TENT4A: variants seen among roughly 807,000 people sequenced by gnomAD.
TENT4A encodes DNA polymerase kappa.
TENT4A carries 7 observed loss-of-function variants against 72.8 expected under a neutral mutation model. The observed-to-expected ratio is 0.10, with a 90% CI of 0.05 to 0.18. The LOEUF (loss-of-function observed/expected upper bound fraction) is 0.18. Ranked by LOEUF, TENT4A falls within the 10% of genes least tolerant of loss-of-function variation. The pLI is 1.00. For missense variants in TENT4A, 831 were observed against 1,017.7 expected (o/e 0.82, Z 2.50); for synonymous variants, 456 against 434.3 (o/e 1.05, Z -0.62).
chr5:6,738,527 T>C (rs1741628269), intron 2 of TENT4A, among the ~76,000 whole-genome samples, 156 bp from the exon 3 acceptor site: 1 of 152,256 alleles, frequency 6.6e-6, no homozygotes, highest in Non-Finnish European at 1.5e-5. Flanking sequence ...AAGGGAATTT[T>C]CTGGTTGATT....
At chr5:6,752,076 T>A (rs2126659369) in intron 11 of TENT4A, among the ~76,000 whole-genome samples, 1 of 152,322 alleles carries the variant, frequency 6.6e-6, no homozygotes, top group Middle Eastern at 3.4e-3. Context: ...TTAAAATGAA[T>A]TATACCACAG....
At chr5:6,750,723 C>T (rs145360647) in intron 10 of TENT4A, 33 of 550,518 alleles carry the variant, frequency 6.0e-5, no homozygotes, top group African/African-American at 4.0e-4. Flanking sequence ...ATGCGGCTGT[C>T]GAGGGCAGTA....
At chr5:6,728,749 G>A (rs1309173476) in intron 1 of TENT4A, among the ~76,000 whole-genome samples, 1 of 152,100 alleles carries the variant, frequency 6.6e-6, no homozygotes, top group Non-Finnish European at 1.5e-5. Context: ...GACTTAAGAC[G>A]GGCACAGTGA....
In TENT4A at chr5:6,741,245, A is replaced by G. The variant is rs1181429832; in HGVS notation, c.1009-1245A>G. 6.6e-5 allele frequency among the ~76,000 whole-genome samples: 10 copies of G among 152,124 alleles called. No homozygotes were observed. In the East Asian group the frequency reaches 1.7e-3, roughly 26 times the overall value. ...GAGAGCCTGGAGCCTGCCACTGCTC[A>G]TTTCTGGGGAGCACTGTGCAGCCGG... On this transcript the variant is annotated intron_variant, in intron 4 of 12. Coordinates refer to ENST00000230859, the MANE Select transcript of TENT4A (RefSeq NM_006999.6).
At chr5:6,727,780 CT>C (rs980192688) in intron 1 of TENT4A, among the ~76,000 whole-genome samples, 1 of 152,318 alleles carries the variant, frequency 6.6e-6, no homozygotes, top group South Asian at 2.1e-4. Flanking sequence ...ATCATGCCCC[CT>C]GTCCCTCCCA....
intron 7 of TENT4A, among the ~76,000 whole-genome samples, chr5:6,747,339 C>CA (rs1274280674): frequency 1.1e-4 from 17 of 152,092 alleles, no homozygotes; most frequent in Non-Finnish European, 2.4e-4. Flanking sequence ...CTGTGTGTGT[C>CA]GGGGAAGCCT....
At chr5:6,715,205 C>G (rs540997733) in intron 1 of TENT4A, 35 of 152,260 alleles carry the variant, frequency 2.3e-4, no homozygotes, top group African/African-American at 8.2e-4. Context: ...GGTGTTGTGT[C>G]CTTTAATTTT....
chr5:6,716,284 A>G (rs1237482474), intron 1 of TENT4A, among the ~76,000 whole-genome samples: 1 of 152,046 alleles, frequency 6.6e-6, no homozygotes, highest in Non-Finnish European at 1.5e-5. Context: ...GGCATGGGAG[A>G]CACAGTCTCA....
In TENT4A at chr5:6,754,920, G is replaced by T; in HGVS notation, c.2354G>T (p.Ser785Ile). 1 of 1,588,066 alleles carries T rather than the reference G, an allele frequency of 6.3e-7. No individual in the cohort carries two copies. Among genetic ancestry groups the T allele is most frequent in the Non-Finnish European group, 8.6e-7 (1 of 1,160,548 alleles). The change falls in exon 13 of 13, where the codon AGT becomes ATT. Residue 785 changes from serine (S) to isoleucine (I), a missense_variant. Physicochemically the swap from Ser to Ile is moderately radical, Grantham distance 142. Transcript: ENST00000230859. ...RRKKHTHTRDSLPVSLSR is the reference protein window; with the variant it reads ...RRKKHTHTRDILPVSLSR The stretch of plus-strand genomic sequence containing the variant: ...AAAAAACACACACACACACGGGACA[G>T]TCTGCCCGTGAGCCTCAGCAGATAA...
chr5:6,750,583 C>G (rs1742347973), intron 10 of TENT4A, 80 bp downstream of exon 10: 1 of 1,338,252 alleles, frequency 7.5e-7, no homozygotes, highest in African/African-American at 1.5e-5. Flanking sequence ...AGCTTAAAAT[C>G]TCCCCCTTGG....
At chr5:6,734,526 T>C (rs1202437061) in intron 1 of TENT4A, among the ~76,000 whole-genome samples, 1 of 152,274 alleles carries the variant, frequency 6.6e-6, no homozygotes, top group Non-Finnish European at 1.5e-5. Context: ...AGAGCCTTCT[T>C]GTCTGACTCC....
chr5:6,742,696 AG>A, intron 5 of TENT4A, 99 bp downstream of exon 5: 2 of 722,580 alleles, frequency 2.8e-6, no homozygotes, highest in Non-Finnish European at 5.1e-6. Context: ...TGCACACACA[AG>A]TCTTTCGTAA....
intron 8 of TENT4A, among the ~76,000 whole-genome samples, 186 bp from the exon 9 acceptor site, chr5:6,749,371 C>T (rs1335077701): frequency 1.3e-5 from 2 of 152,338 alleles, no homozygotes; most frequent in South Asian, 4.1e-4. Flanking sequence ...GTACTGCGAT[C>T]CCAGGGTATG....
At chr5:6,717,643 T>G (rs1740453672) in intron 1 of TENT4A, among the ~76,000 whole-genome samples, 1 of 152,088 alleles carries the variant, frequency 6.6e-6, no homozygotes, top group Admixed American at 6.5e-5. Context: ...AATCATTGTT[T>G]GATTGAAATC....
rs1309211948 is a variant in TENT4A, at chr5:6,714,491, C to T, written c.508C>T (p.Arg170Cys). 2 of 1,184,604 alleles carry T rather than the reference C, an allele frequency of 1.7e-6. No individual in the cohort carries two copies. Among genetic ancestry groups the T allele is most frequent in the Non-Finnish European group, 1.0e-6 (1 of 957,842 alleles). The allele number at this position is 1,184,604 out of a possible 1,614,324, so 73.4% of individuals were successfully genotyped here. A position where few individuals can be genotyped will look rare whatever the true frequency, so the allele number is the denominator to read the frequency against. ...CACAGCCAACGGGCACCCCGGGCCG[C>T]GCGGCCCCGCGCCCGCCGGCTCCCC... is the stretch of plus-strand genomic sequence containing the variant. Reference protein sequence around the residue: ...PGTANGHPGPRGPAPAGSPSQ... With the variant: ...PGTANGHPGPCGPAPAGSPSQ... The change falls in exon 1 of 13, where the codon CGC becomes TGC. Residue 170 changes from arginine (R) to cysteine (C), a missense_variant. Transcript: ENST00000230859.
chr5:6,745,928 C>A, intron 6 of TENT4A: 1 of 840,730 alleles, frequency 1.2e-6, no homozygotes, highest in Non-Finnish European at 1.6e-6. Context: ...CTTATTTGCC[C>A]ATATTTGGTT....
At chr5:6,716,762 G>A (rs965685949) in intron 1 of TENT4A, among the ~76,000 whole-genome samples, 1 of 152,250 alleles carries the variant, frequency 6.6e-6, no homozygotes, top group Non-Finnish European at 1.5e-5. Flanking sequence ...CTGTAAGGCA[G>A]TATGGTGTAG....
intron 1 of TENT4A, among the ~76,000 whole-genome samples, chr5:6,734,904 T>C (rs184533432): frequency 6.6e-6 from 1 of 152,226 alleles, no homozygotes; most frequent in Non-Finnish European, 1.5e-5. Context: ...ATTTTGTGTG[T>C]CTAAGGCAGA....
intron 1 of TENT4A, among the ~76,000 whole-genome samples, chr5:6,720,535 A>C (rs969487923): frequency 6.6e-6 from 1 of 152,070 alleles, no homozygotes; most frequent in Non-Finnish European, 1.5e-5. Context: ...ATTCTTTAAA[A>C]TATGTCATTT....
Sources: allele counts gnomAD v4.1 joint callset (sites outside exome capture counted in the v4.1 genomes callset), GRCh38; gene constraint gnomAD v4.1.1; transcripts MANE v1.5; gene names NCBI Gene and HGNC (gene_info 2026-07-23, HGNC 2026-07-21).